Variants in PCDH15 observed in about 807,000 individuals in gnomAD.
PCDH15 encodes the protein protocadherin-15.
A neutral mutation model predicts 178.5 loss-of-function variants in PCDH15; 129 were observed. The observed-to-expected ratio is 0.72, with a 90% CI of 0.63 to 0.84. The LOEUF (loss-of-function observed/expected upper bound fraction) is 0.84, where lower values mean the gene tolerates loss of function less well. PCDH15 is among the 40% of genes least tolerant of loss of function. PCDH15 has a pLI of 0.00. For synonymous variants in PCDH15, 800 were observed against 732.0 expected, an observed-to-expected ratio of 1.09 and a Z score of -1.50; for missense variants, 2,230 against 2,099.9, an observed-to-expected ratio of 1.06 and a Z score of -1.21.
intron 18 of PCDH15, among the ~76,000 whole-genome samples, chr10:54,041,794 T>C (rs1911402): frequency 0.19 from 28,754 of 152,028 alleles, 2,941 homozygotes; most frequent in Non-Finnish European, 0.23. Flanking sequence ...TAAACTTTAG[T>C]TTTCACACTG....
At chr10:54,463,988 T>A (rs1394560500) in intron 3 of PCDH15, among the ~76,000 whole-genome samples, 1 of 152,076 alleles carries the variant, frequency 6.6e-6, no homozygotes, top group African/African-American at 2.4e-5. Context: ...GGCGTTTGGA[T>A]GTAGGGAAGC....
chr10:54,685,757 G>C (rs2094985805), intron 1 of PCDH15, among the ~76,000 whole-genome samples: 1 of 152,108 alleles, frequency 6.6e-6, no homozygotes, highest in East Asian at 1.9e-4. Flanking sequence ...CAGAACACTT[G>C]CATTAGCTTA....
At chr10:54,014,083 A>AG (rs774486711) in intron 20 of PCDH15, among the ~76,000 whole-genome samples, 1 of 151,838 alleles carries the variant, frequency 6.6e-6, no homozygotes, top group Non-Finnish European at 1.5e-5. Context: ...GAATGAAAAA[A>AG]GACATTACCA....
At chr10:54,842,858 G>A (rs573320777) in intron 3 of PCDH15, among the ~76,000 whole-genome samples, 51 of 151,966 alleles carry the variant, frequency 3.4e-4, no homozygotes, top group African/African-American at 1.2e-3. Flanking sequence ...GCTTTCATAT[G>A]GAAATTCCAG....
intron 1 of PCDH15, among the ~76,000 whole-genome samples, chr10:54,668,049 A>G (rs1565897053): frequency 2.6e-5 from 4 of 152,114 alleles, no homozygotes; most frequent in African/African-American, 7.2e-5. Context: ...ACTAATTTTG[A>G]ATTTCACATC....
At chr10:54,898,211 G>T (rs966668465) in intron 2 of PCDH15, among the ~76,000 whole-genome samples, 5 of 152,068 alleles carry the variant, frequency 3.3e-5, no homozygotes, top group Non-Finnish European at 7.4e-5. Flanking sequence ...TTAAAAATTA[G>T]CCAGTCTCAG....
At chr10:54,969,912 C>T (rs1030947695) in intron 2 of PCDH15, among the ~76,000 whole-genome samples, 2 of 152,172 alleles carry the variant, frequency 1.3e-5, no homozygotes, top group African/African-American at 4.8e-5. Context: ...GAAAATTCCC[C>T]AGAGATGTTC....
At chr10:55,306,693 A>C (rs1362196392) in intron 1 of PCDH15, among the ~76,000 whole-genome samples, 1 of 152,216 alleles carries the variant, frequency 6.6e-6, no homozygotes, top group Non-Finnish European at 1.5e-5. Flanking sequence ...CTCTAATAAG[A>C]GATGCTTATT....
At chr10:54,364,006 A>G (rs956852010) in intron 5 of PCDH15, among the ~76,000 whole-genome samples, 1 of 152,102 alleles carries the variant, frequency 6.6e-6, no homozygotes, top group African/African-American at 2.4e-5. Context: ...TGAGGTCAGG[A>G]GTTCGAGACC....
Position 53,991,974 on chromosome 10 carries a change from C to T in PCDH15, c.2868+3675G>A, listed in dbSNP as rs189327929. Among the ~76,000 whole-genome samples, 395 of 152,194 alleles carry T rather than the reference C, an allele frequency of 2.6e-3. 4 individuals carry two copies. The highest frequency in any genetic ancestry group is 8.8e-3 in the African/African-American group (364 of 41,500). On this transcript the variant is annotated intron_variant, in intron 21 of 37. Transcript: ENST00000644397. ...CAACCCGCTCGGGTCCCCTTCCACC[C>T]TGTGGAAGCGTTGTTCTTTTGCTCT...
chr10:54,356,165 T>C (rs1192749291), intron 5 of PCDH15, among the ~76,000 whole-genome samples: 2 of 152,016 alleles, frequency 1.3e-5, no homozygotes, highest in Admixed American at 6.6e-5. Flanking sequence ...CTACCAATAA[T>C]GAAACAGATA....
chr10:54,499,509 C>A (rs1447422106), intron 3 of PCDH15, among the ~76,000 whole-genome samples: 2 of 152,012 alleles, frequency 1.3e-5, no homozygotes, highest in Non-Finnish European at 2.9e-5. Context: ...GAAATCAATA[C>A]CAAGAACATC....
chr10:54,906,178 C>A (rs1954718449), intron 2 of PCDH15, among the ~76,000 whole-genome samples: 1 of 152,050 alleles, frequency 6.6e-6, no homozygotes, highest in Non-Finnish European at 1.5e-5. Flanking sequence ...AAGAATCCAA[C>A]ATCCAATTTG....
intron 2 of PCDH15, among the ~76,000 whole-genome samples, chr10:55,336,113 C>A (rs1216802751): frequency 5.3e-5 from 6 of 113,784 alleles, no homozygotes; most frequent in African/African-American, 2.1e-4. Context: ...AAATATGGCA[C>A]CTTGGTATTT....
At chr10:54,421,693 T>TAC (rs1335935955) in intron 3 of PCDH15, among the ~76,000 whole-genome samples, 6,642 of 115,764 alleles carry the variant, frequency 0.057, 382 homozygotes, top group Non-Finnish European at 0.067. Context: ...TATATATATA[T>TAC]ACACACACAC....
chr10:55,317,969 T>C (rs536319682), intron 1 of PCDH15, among the ~76,000 whole-genome samples: 1 of 151,644 alleles, frequency 6.6e-6, no homozygotes, highest in Non-Finnish European at 1.5e-5. Flanking sequence ...GACTCACTTG[T>C]TGAGAGCAAT....
At chr10:54,976,078 T>A (rs1839063722) in intron 2 of PCDH15, among the ~76,000 whole-genome samples, 1 of 152,172 alleles carries the variant, frequency 6.6e-6, no homozygotes, top group Non-Finnish European at 1.5e-5. Context: ...TTGAGCAATC[T>A]CTCAGCCTAG....
intron 2 of PCDH15, among the ~76,000 whole-genome samples, chr10:54,650,476 T>G (rs898217058): frequency 6.6e-6 from 1 of 152,228 alleles, no homozygotes; most frequent in African/African-American, 2.4e-5. Context: ...ATTAATAAAT[T>G]CTAAATAAAT....
intron 3 of PCDH15, among the ~76,000 whole-genome samples, chr10:54,421,690 A>ATATATG (rs1301759947): frequency 2.2e-4 from 24 of 110,942 alleles, no homozygotes; most frequent in African/African-American, 3.7e-4. Context: ...ATATATATAT[A>ATATATG]TATACACACA....
Sources: allele counts gnomAD v4.1 joint callset (sites outside exome capture counted in the v4.1 genomes callset), GRCh38; gene constraint gnomAD v4.1.1; transcripts MANE v1.5; gene names NCBI Gene and HGNC (gene_info 2026-07-23, HGNC 2026-07-21).